Variants in GALNT13 observed in about 807,000 individuals in gnomAD.
GALNT13 encodes the protein polypeptide N-acetylgalactosaminyltransferase 13.
GALNT13 carries 28 observed loss-of-function variants against 64.2 expected under a neutral mutation model. That is an observed-to-expected ratio of 0.44 (90% CI 0.32 to 0.60). The LOEUF is 0.60. Among genes scored for constraint, GALNT13 ranks in the 20% least tolerant of loss-of-function variants. The pLI, the probability that GALNT13 is intolerant of heterozygous loss-of-function variation, is 0.05. For synonymous variants in GALNT13, 214 were observed against 224.6 expected, an observed-to-expected ratio of 0.95 and a Z score of 0.42; for missense variants, 577 against 669.8, an observed-to-expected ratio of 0.86 and a Z score of 1.53.
At chr2:153,388,119 C>G in the GALNT13 span, among the ~76,000 whole-genome samples, 1 of 151,800 alleles carries the variant, frequency 6.6e-6, no homozygotes, top group South Asian at 2.1e-4. Context: ...AATATAGACC[C>G]TAGTCTTTGC....
chr2:153,531,628 T>A, the GALNT13 span, among the ~76,000 whole-genome samples: 2 of 152,146 alleles, frequency 1.3e-5, no homozygotes, highest in Non-Finnish European at 2.9e-5. Context: ...ATTTCAGCAT[T>A]AACTCAAAAG....
intron 3 of GALNT13, among the ~76,000 whole-genome samples, chr2:154,116,852 G>A (rs1442906398): frequency 2.6e-5 from 4 of 152,108 alleles, no homozygotes; most frequent in African/African-American, 9.7e-5. Context: ...ACCAAAATCT[G>A]TATTAGTCAG....
the GALNT13 span, among the ~76,000 whole-genome samples, chr2:153,540,950 G>A: frequency 6.6e-6 from 1 of 152,180 alleles, no homozygotes; most frequent in Non-Finnish European, 1.5e-5. Flanking sequence ...TTGGCTTAAT[G>A]TTGGTATGAG....
chr2:153,693,769 G>A, the GALNT13 span, among the ~76,000 whole-genome samples: 2 of 152,002 alleles, frequency 1.3e-5, no homozygotes, highest in Non-Finnish European at 2.9e-5. Context: ...GAGTTTGGGG[G>A]AAAGGCAGTT....
In GALNT13 at chr2:154,325,933, C is replaced by T. The variant is rs139117208; in HGVS notation, c.1156+24344C>T. Among the ~76,000 whole-genome samples, 1,451 of 152,170 alleles carry T rather than the reference C, an allele frequency of 9.5e-3. 24 individuals are homozygous for T. The highest frequency in any genetic ancestry group is 0.033 in the African/African-American group (1,365 of 41,518). On this transcript the variant is annotated intron_variant, in intron 9 of 12. Transcript: ENST00000392825. ...TTGGGAACTTATTAGACCCACACTC[C>T]GAGGGCGGGGCCCAGGAAGCTGTGT...
chr2:153,344,122 T>C, the GALNT13 span, among the ~76,000 whole-genome samples: 2 of 152,160 alleles, frequency 1.3e-5, no homozygotes, highest in African/African-American at 4.8e-5. Flanking sequence ...CCAAATATTT[T>C]AGTATTTATT....
intron 4 of GALNT13, among the ~76,000 whole-genome samples, chr2:154,220,750 G>A (rs1169921310): frequency 6.6e-6 from 1 of 152,022 alleles, no homozygotes; most frequent in Non-Finnish European, 1.5e-5. Context: ...GGGAGTAGGT[G>A]ATACTTATTA....
At chr2:153,854,301 C>T in the GALNT13 span, among the ~76,000 whole-genome samples, 517 of 151,670 alleles carry the variant, frequency 3.4e-3, 5 homozygotes, top group African/African-American at 0.012. Context: ...AAAATCAGGC[C>T]GGGTGCAGTG....
chr2:154,082,873 C>A (rs533319408), intron 3 of GALNT13, among the ~76,000 whole-genome samples: 1 of 152,004 alleles, frequency 6.6e-6, no homozygotes, highest in South Asian at 2.1e-4. Flanking sequence ...CCTGTTCACT[C>A]TGGTGATAGT....
At chr2:153,822,281 T>C in the GALNT13 span, among the ~76,000 whole-genome samples, 1 of 151,614 alleles carries the variant, frequency 6.6e-6, no homozygotes, top group South Asian at 2.1e-4. Context: ...GACACAACAA[T>C]AGAAAAAAAC....
intron 1 of GALNT13, among the ~76,000 whole-genome samples, chr2:153,894,155 T>G (rs9636323): frequency 0.14 from 21,521 of 151,854 alleles, 1,733 homozygotes; most frequent in South Asian, 0.21. Flanking sequence ...ACAATCATTT[T>G]GCCACTTCTT....
chr2:154,140,256 C>G, intron 3 of GALNT13, 81 bp from the exon 4 acceptor site: 1 of 1,020,488 alleles, frequency 9.8e-7, no homozygotes, highest in Non-Finnish European at 1.4e-6. Context: ...GCTTCAGAAT[C>G]TAATCAGACA....
chr2:153,539,326 C>T, the GALNT13 span, among the ~76,000 whole-genome samples: 2 of 151,764 alleles, frequency 1.3e-5, no homozygotes, highest in African/African-American at 4.8e-5. Flanking sequence ...CGAAAATTTT[C>T]TCCCATTCTG....
At chr2:153,110,750 A>G in the GALNT13 span, among the ~76,000 whole-genome samples, 1 of 152,108 alleles carries the variant, frequency 6.6e-6, no homozygotes, top group Non-Finnish European at 1.5e-5. Flanking sequence ...TTATTGCGTT[A>G]ATACCTTCTT....
chr2:153,439,797 C>T, the GALNT13 span, among the ~76,000 whole-genome samples: 6 of 152,116 alleles, frequency 3.9e-5, no homozygotes, highest in African/African-American at 1.4e-4. Flanking sequence ...CCTGCTTCGG[C>T]TCACACATGG....
chr2:154,408,014 T>C (rs1229518250), intron 10 of GALNT13, among the ~76,000 whole-genome samples: 2 of 152,142 alleles, frequency 1.3e-5, no homozygotes, highest in Non-Finnish European at 2.9e-5. Context: ...TAAATATATG[T>C]GTCCAATAAT....
chr2:153,175,555 G>T, the GALNT13 span, among the ~76,000 whole-genome samples: 1 of 152,242 alleles, frequency 6.6e-6, no homozygotes, highest in Non-Finnish European at 1.5e-5. Flanking sequence ...GCAAGAAAAT[G>T]ATTTGTAATA....
chr2:153,425,035 T>C, the GALNT13 span, among the ~76,000 whole-genome samples: 1 of 151,810 alleles, frequency 6.6e-6, no homozygotes, highest in Non-Finnish European at 1.5e-5. Flanking sequence ...TTTGATACCA[T>C]TTATGTAAAA....
intron 3 of GALNT13, among the ~76,000 whole-genome samples, chr2:154,018,947 G>A (rs1222471212): frequency 6.6e-6 from 1 of 151,818 alleles, no homozygotes; most frequent in Non-Finnish European, 1.5e-5. Flanking sequence ...GGAGGGAATA[G>A]AGAGAAATAA....
Sources: gnomAD v4.1 joint callset for allele counts (sites outside exome capture counted in the v4.1 genomes callset) on GRCh38, gnomAD v4.1.1 for gene constraint, MANE v1.5 for transcripts, NCBI Gene and HGNC (gene_info 2026-07-23, HGNC 2026-07-21) for gene names.